The following MMS22L variants were observed in gnomAD, a reference collection of about 807,000 sequenced individuals.
MMS22L encodes MMS22 like, DNA repair protein, also known as protein MMS22-like.
Under a neutral mutation model 159.1 loss-of-function variants are expected in MMS22L, and 74 were observed. The observed-to-expected ratio is 0.47, with a 90% CI of 0.39 to 0.56. MMS22L has a LOEUF of 0.56. Among genes scored for constraint, MMS22L ranks in the 20% least tolerant of loss-of-function variants. MMS22L has a pLI of 0.00. For synonymous variants in MMS22L, 517 were observed against 506.9 expected (o/e 1.02, Z -0.27); for missense variants, 1,351 against 1,422.1 (o/e 0.95, Z 0.80).
chr6:97,276,867 T>C (rs7764725), intron 4 of MMS22L, among the ~76,000 whole-genome samples: 55,592 of 152,004 alleles, frequency 0.37, 11,691 homozygotes, highest in East Asian at 0.79. Context: ...ACCAAGCTGA[T>C]GTATGCTTGC....
intron 10 of MMS22L, among the ~76,000 whole-genome samples, chr6:97,250,049 T>C (rs1347611408): frequency 1.3e-5 from 2 of 152,166 alleles, no homozygotes; most frequent in Non-Finnish European, 2.9e-5. Flanking sequence ...ATGACAACTA[T>C]GTCATACCCA....
chr6:97,152,046 T>G (rs1188630204), intron 22 of MMS22L, among the ~76,000 whole-genome samples, 179 bp from the exon 23 acceptor site: 1 of 152,218 alleles, frequency 6.6e-6, no homozygotes, highest in Non-Finnish European at 1.5e-5. Context: ...TATACCTATC[T>G]TCCATTTTAA....
intron 14 of MMS22L, among the ~76,000 whole-genome samples, chr6:97,209,847 G>A (rs1179872430): frequency 6.6e-6 from 1 of 151,790 alleles, no homozygotes; most frequent in Non-Finnish European, 1.5e-5. Flanking sequence ...TTTTATGCAT[G>A]CTACATAAAG....
intron 4 of MMS22L, 77 bp downstream of exon 4, chr6:97,278,772 A>T: frequency 8.7e-7 from 1 of 1,156,022 alleles, no homozygotes; most frequent in Non-Finnish European, 1.3e-6. Flanking sequence ...TATGCCAATT[A>T]TACCATCATG....
Position 97,281,257 on chromosome 6 carries a change from T to C in MMS22L, c.270A>G (p.Arg90=), listed in dbSNP as rs1352771645. The C allele has an allele frequency of 1.9e-6, 3 of 1,609,432 alleles. No individual in the cohort carries two copies. Among genetic ancestry groups the C allele is most frequent in the Admixed American group, 3.4e-5 (2 of 58,800 alleles). ...AATACCTGAATAAATGAAAGAGTTC[T>C]CTAGATGAATTCACTAATGCTGTTT... The part of the protein sequence containing the change: ...VTETALVNSS[R]ELFHLFRQQL... Residue 90 remains arginine, a synonymous_variant, in exon 3 of 25, where the codon AGA becomes AGG. Transcript: ENST00000683635.
At chr6:97,158,552 C>A (rs904882007) in intron 22 of MMS22L, among the ~76,000 whole-genome samples, 2 of 152,102 alleles carry the variant, frequency 1.3e-5, no homozygotes, top group African/African-American at 4.8e-5. Context: ...TTACTTCTGG[C>A]TTCATTTTGT....
At chr6:97,233,386 C>A (rs916961454) in intron 12 of MMS22L, among the ~76,000 whole-genome samples, 2 of 152,054 alleles carry the variant, frequency 1.3e-5, no homozygotes, top group African/African-American at 4.8e-5. Context: ...AAATTATGAC[C>A]TCATGAAGTC....
intron 14 of MMS22L, among the ~76,000 whole-genome samples, chr6:97,203,431 G>GGGAA (rs1807395699): frequency 6.6e-6 from 1 of 152,184 alleles, no homozygotes; most frequent in African/African-American, 2.4e-5. Context: ...TGCTGAGGCT[G>GGGAA]GGAAGGATTA....
intron 9 of MMS22L, chr6:97,259,649 G>C (rs1814229203): frequency 6.6e-6 from 1 of 151,678 alleles, no homozygotes; most frequent in African/African-American, 2.4e-5. Context: ...TCAGATTCGG[G>C]ACTTCTTGGC....
chr6:97,278,802 A>G, intron 4 of MMS22L, 47 bp downstream of exon 4: 1 of 1,529,370 alleles, frequency 6.5e-7, no homozygotes, highest in Non-Finnish European at 9.0e-7. Context: ...GCAACTCACT[A>G]TAATGAAGCA....
chr6:97,201,089 C>A (rs1447317565), intron 14 of MMS22L, among the ~76,000 whole-genome samples: 2 of 151,880 alleles, frequency 1.3e-5, no homozygotes, highest in African/African-American at 4.8e-5. Flanking sequence ...AAAAAACACA[C>A]AGAAAAAAAT....
At chr6:97,213,373 T>A (rs564023042) in intron 14 of MMS22L, among the ~76,000 whole-genome samples, 7 of 152,026 alleles carry the variant, frequency 4.6e-5, no homozygotes, top group African/African-American at 1.7e-4. Flanking sequence ...GCCATTGTAC[T>A]CCAGCCTGGG....
intron 14 of MMS22L, among the ~76,000 whole-genome samples, chr6:97,197,660 A>G (rs1806680742): frequency 6.6e-6 from 1 of 152,178 alleles, no homozygotes; most frequent in South Asian, 2.1e-4. Context: ...CTTATCCAAA[A>G]TGTTATGTAT....
At chr6:97,180,390 C>T (rs752679312) in intron 16 of MMS22L, among the ~76,000 whole-genome samples, 4 of 152,122 alleles carry the variant, frequency 2.6e-5, no homozygotes, top group Non-Finnish European at 5.9e-5. Flanking sequence ...CATGAGCCAC[C>T]GTGCTTGGCC....
In MMS22L at chr6:97,212,791, C is replaced by T. The variant is rs148183861; in HGVS notation, c.2039+16103G>A. On this transcript the variant is annotated intron_variant, in intron 14 of 24. Transcript: ENST00000683635. Reference sequence around the variant, plus strand: ...TGTATGATTCACACATACGAAATGACTGAAGTGAAAATTTGCTCGAATGGT... The same window carrying T: ...TGTATGATTCACACATACGAAATGATTGAAGTGAAAATTTGCTCGAATGGT... 2.6e-3 allele frequency among the ~76,000 whole-genome samples: 393 copies of T among 152,156 alleles called. 2 individuals are homozygous for T. Among genetic ancestry groups the T allele is most frequent in the African/African-American group, 8.9e-3 (370 of 41,492 alleles).
chr6:97,148,662 C>G (rs1204162769), intron 24 of MMS22L, among the ~76,000 whole-genome samples: 1 of 151,110 alleles, frequency 6.6e-6, no homozygotes, highest in Non-Finnish European at 1.5e-5. Context: ...GTGTGTTAAG[C>G]TTTTTTACAA....
chr6:97,158,449 G>A (rs1380803227), intron 22 of MMS22L, among the ~76,000 whole-genome samples: 1 of 152,128 alleles, frequency 6.6e-6, no homozygotes, highest in Non-Finnish European at 1.5e-5. Flanking sequence ...TGGGCATTTA[G>A]TGCTATAAAT....
intron 12 of MMS22L, among the ~76,000 whole-genome samples, chr6:97,232,331 A>C (rs1006708374): frequency 2.0e-5 from 3 of 152,146 alleles, no homozygotes; most frequent in Non-Finnish European, 4.4e-5. Flanking sequence ...GCCTTATTTC[A>C]TTAAATGTAC....
intron 14 of MMS22L, among the ~76,000 whole-genome samples, chr6:97,200,715 AC>A (rs1462347338): frequency 6.6e-6 from 1 of 152,138 alleles, no homozygotes; most frequent in African/African-American, 2.4e-5. Flanking sequence ...CAAAAAGATC[AC>A]CGATTCAGTA....
Sources: allele counts gnomAD v4.1 joint callset (sites outside exome capture counted in the v4.1 genomes callset), GRCh38; gene constraint gnomAD v4.1.1; transcripts MANE v1.5; gene names NCBI Gene and HGNC (gene_info 2026-07-23, HGNC 2026-07-21).